The following RFX3 variants were observed in gnomAD, a reference collection of about 807,000 sequenced individuals.
RFX3 encodes regulatory factor X3.
RFX3 carries 14 observed loss-of-function variants against 98.6 expected under a neutral mutation model. That is an observed-to-expected ratio of 0.14 (90% CI 0.09 to 0.22). The LOEUF (loss-of-function observed/expected upper bound fraction) is 0.22. Among genes scored for constraint, RFX3 ranks in the 10% least tolerant of loss-of-function variants. The pLI is 1.00. For missense variants in RFX3, 639 were observed against 926.9 expected (o/e 0.69, Z 4.03); for synonymous variants, 383 against 328.4 (o/e 1.17, Z -1.80).
intron 7 of RFX3, among the ~76,000 whole-genome samples, chr9:3,283,437 T>C (rs1826171727): frequency 6.8e-6 from 1 of 147,404 alleles, no homozygotes; most frequent in South Asian, 2.1e-4. Context: ...TCAGTGAAGT[T>C]AAGTCATACA....
intron 15 of RFX3, among the ~76,000 whole-genome samples, chr9:3,241,742 G>A (rs1458893044): frequency 3.9e-5 from 6 of 152,270 alleles, no homozygotes; most frequent in South Asian, 2.1e-4. Context: ...TCTCAGGATG[G>A]GTGTACAGGA....
At chr9:3,251,746 G>A (rs750810771) in intron 14 of RFX3, among the ~76,000 whole-genome samples, 2 of 152,118 alleles carry the variant, frequency 1.3e-5, no homozygotes, top group Non-Finnish European at 2.9e-5. Context: ...ACTGAGTCAG[G>A]TGAATGTTAA....
rs1265347724 is a variant in RFX3 at position 3,346,655 on chromosome 9, A to G, written c.215+12T>C. On this transcript the variant is annotated intron_variant, in intron 3 of 16. Transcript: ENST00000617270. Reference sequence around the variant, plus strand: ...GTGGGGGAATTAAAAAGACTTCCACATATAAACTTACATTGCTCCATTGGT... The same window carrying G: ...GTGGGGGAATTAAAAAGACTTCCACGTATAAACTTACATTGCTCCATTGGT... The G allele has an allele frequency of 1.3e-6, 2 of 1,551,604 alleles. No individual in the cohort carries two copies. Among genetic ancestry groups the G allele is most frequent in the Non-Finnish European group, 1.8e-6 (2 of 1,123,050 alleles).
chr9:3,386,278 C>A lies in RFX3; in HGVS notation c.117+9194G>T, dbSNP rs541682264. 1.4e-3 allele frequency among the ~76,000 whole-genome samples: 212 copies of A among 151,918 alleles called. 1 individual carries two copies. The highest frequency in any genetic ancestry group is 4.9e-3 in the African/African-American group (205 of 41,454). The stretch of plus-strand genomic sequence containing the variant: ...AACTCCAAATTTTTTTTTAGAAGAT[C>A]ATGAATTCTACTACTATTACTACTA... On this transcript the variant is annotated intron_variant, in intron 2 of 16. Transcript: ENST00000617270.
At chr9:3,337,086 G>C (rs1229604842) in intron 3 of RFX3, among the ~76,000 whole-genome samples, 1 of 152,132 alleles carries the variant, frequency 6.6e-6, no homozygotes, top group Admixed American at 6.5e-5. Flanking sequence ...CTTATGGGTA[G>C]GAGGAGGTAG....
rs554133028 is a variant in RFX3, at chr9:3,515,501, C to A, written c.-9+10246G>T. On this transcript the variant is annotated intron_variant, in intron 1 of 16. Coordinates refer to ENST00000617270, the MANE Select transcript of RFX3 (RefSeq NM_001282116.2). Reference sequence around the variant, plus strand: ...CCGTAAGTCCCACCTCAAGCCCCCACACCCGCCTAAACTTAATGGTCCAGG... The same window carrying A: ...CCGTAAGTCCCACCTCAAGCCCCCAAACCCGCCTAAACTTAATGGTCCAGG... Among the ~76,000 whole-genome samples the A allele has an allele frequency of 2.0e-5, 3 of 152,244 alleles. No homozygotes were observed. In the East Asian group the frequency reaches 5.8e-4, roughly 29 times the overall value.
intron 1 of RFX3, among the ~76,000 whole-genome samples, chr9:3,485,313 T>G (rs547747744): frequency 6.6e-6 from 1 of 152,316 alleles, no homozygotes; most frequent in South Asian, 2.1e-4. Flanking sequence ...TCTGAAGCAC[T>G]ATTCTGTGCC....
At chr9:3,427,696 T>C (rs1241031657) in intron 1 of RFX3, among the ~76,000 whole-genome samples, 4 of 151,940 alleles carry the variant, frequency 2.6e-5, no homozygotes, top group South Asian at 2.1e-4. Flanking sequence ...AGAATTAAAC[T>C]TGGGACACAG....
At chr9:3,515,985 C>T (rs7866446) in intron 1 of RFX3, among the ~76,000 whole-genome samples, 3,415 of 152,194 alleles carry the variant, frequency 0.022, 101 homozygotes, top group African/African-American at 0.06. Context: ...AATGCTTCCT[C>T]TTTTAGCCTG....
At position 3,219,829 on chromosome 9, in the gene RFX3, G is replaced by A. The variant is rs573144024; in HGVS notation, c.*5213C>T. ...AAACTGCCTAAAAAGCAACGTTTAC[G>A]GCATACTTGCACTATGCTATGGATG... On this transcript the variant is annotated 3_prime_UTR_variant, in exon 17 of 17. Coordinates refer to ENST00000617270, the MANE Select transcript of RFX3 (RefSeq NM_001282116.2). 8 of 152,194 alleles carry A rather than the reference G, an allele frequency of 5.3e-5. No individual in the cohort carries two copies. Among genetic ancestry groups the A allele is most frequent in the South Asian group, 4.2e-4 (2 of 4,818 alleles). The allele number at this position is 152,194 out of a possible 1,614,324, so 9.4% of individuals were successfully genotyped here.
chr9:3,266,267 G>C lies in RFX3; in HGVS notation c.1396C>G (p.Leu466Val). 6.2e-7 allele frequency: 1 copy of C among 1,611,498 alleles called. No individual in the cohort carries two copies. The highest frequency in any genetic ancestry group is 8.5e-7 in the Non-Finnish European group (1 of 1,178,430). The change falls in exon 12 of 17, where the codon CTT becomes GTT. Residue 466 changes from leucine to valine, a missense_variant. Coordinates refer to ENST00000617270, the MANE Select transcript of RFX3 (RefSeq NM_001282116.2). The part of the protein sequence containing the change: ...TQAIRNFAKS[L>V]EGWLSNAMNN... ...ATGGCATTGGAAAGCCAACCTTCAA[G>C]GCTTTTTGCAAAATTTCGAATGGCT...
intron 2 of RFX3, among the ~76,000 whole-genome samples, chr9:3,394,250 T>C (rs1840621107): frequency 6.6e-6 from 1 of 151,856 alleles, no homozygotes; most frequent in African/African-American, 2.4e-5. Flanking sequence ...GATCACGAGG[T>C]CAGGAGATCG....
chr9:3,393,934 A>G (rs2131901724), intron 2 of RFX3, among the ~76,000 whole-genome samples: 1 of 152,310 alleles, frequency 6.6e-6, no homozygotes, highest in South Asian at 2.1e-4. Context: ...CCATTATGTA[A>G]TTTAGCCATA....
chr9:3,395,070 T>G (rs1483837205), intron 2 of RFX3, among the ~76,000 whole-genome samples: 1 of 152,154 alleles, frequency 6.6e-6, no homozygotes, highest in Non-Finnish European at 1.5e-5. Flanking sequence ...GGTGCATGCA[T>G]CCTATTAAGT....
At chr9:3,410,757 C>T (rs772244287) in intron 1 of RFX3, among the ~76,000 whole-genome samples, 1 of 152,204 alleles carries the variant, frequency 6.6e-6, no homozygotes, top group African/African-American at 2.4e-5. Context: ...CCAATTACCT[C>T]TTTACATATT....
intron 3 of RFX3, chr9:3,344,642 G>A (rs1230751069): frequency 1.2e-5 from 7 of 564,618 alleles, no homozygotes; most frequent in African/African-American, 5.8e-5. Context: ...CAACAGACAC[G>A]AAAGCTACAA....
At chr9:3,504,125 C>T (rs1006636729) in intron 1 of RFX3, among the ~76,000 whole-genome samples, 1 of 127,624 alleles carries the variant, frequency 7.8e-6, no homozygotes, top group African/African-American at 3.7e-5. Context: ...CTCTCCCTCT[C>T]TCTTTATATA....
At chr9:3,368,926 A>C (rs117095959) in intron 2 of RFX3, among the ~76,000 whole-genome samples, 4,468 of 152,344 alleles carry the variant, frequency 0.029, 82 homozygotes, top group Non-Finnish European at 0.047. Flanking sequence ...AGTAAGCTCC[A>C]TAAAGTCAGG....
At chr9:3,316,903 T>C (rs1830674388) in intron 4 of RFX3, among the ~76,000 whole-genome samples, 1 of 152,190 alleles carries the variant, frequency 6.6e-6, no homozygotes, top group Non-Finnish European at 1.5e-5. Flanking sequence ...TCCATAACCA[T>C]GGATAGGAAG....
Sources: gnomAD v4.1 joint callset for allele counts (sites outside exome capture counted in the v4.1 genomes callset) on GRCh38, gnomAD v4.1.1 for gene constraint, MANE v1.5 for transcripts, NCBI Gene and HGNC (gene_info 2026-07-23, HGNC 2026-07-21) for gene names.